DLG2: variants seen among roughly 807,000 people sequenced by gnomAD.
The protein encoded by DLG2 is discs large MAGUK scaffold protein 2, also known as disks large homolog 2.
DLG2 carries 45 observed loss-of-function variants against 132.5 expected under a neutral mutation model. The ratio of observed to expected loss-of-function variants is 0.34; its 90% CI spans 0.27 to 0.44. The LOEUF is 0.44. DLG2 is among the 20% of genes least tolerant of loss of function. The pLI is 1.00. For synonymous variants in DLG2, 424 were observed against 419.6 expected, an observed-to-expected ratio of 1.01 and a Z score of -0.13; for missense variants, 1,045 against 1,196.9, an observed-to-expected ratio of 0.87 and a Z score of 1.87.
intron 6 of DLG2, among the ~76,000 whole-genome samples, chr11:84,659,242 A>AT (rs72230391): frequency 0.069 from 10,490 of 151,810 alleles, 490 homozygotes; most frequent in South Asian, 0.19. Context: ...GGAGCTTTGT[A>AT]TTTTTTTTCA....
At chr11:85,010,293 T>TTCCAGTC (rs2154134959) in intron 6 of DLG2, among the ~76,000 whole-genome samples, 1 of 152,208 alleles carries the variant, frequency 6.6e-6, no homozygotes, top group East Asian at 1.9e-4. Context: ...AAAACATTCT[T>TTCCAGTC]TCCAGTCTGC....
At chr11:84,858,378 T>C (rs542071607) in intron 6 of DLG2, among the ~76,000 whole-genome samples, 30 of 152,202 alleles carry the variant, frequency 2.0e-4, no homozygotes, top group African/African-American at 7.0e-4. Flanking sequence ...TACCTGTTGC[T>C]TGAAAGAGTG....
chr11:84,959,008 C>T (rs868111151), intron 6 of DLG2, among the ~76,000 whole-genome samples: 13 of 152,114 alleles, frequency 8.5e-5, no homozygotes, highest in East Asian at 1.9e-4. Flanking sequence ...CTTTGGACAG[C>T]GCTACAGGTA....
In DLG2 at chr11:83,471,718, G is replaced by A. The variant is rs777007201; in HGVS notation, c.2354C>T (p.Thr785Ile). ...GGGCCCCAGGATAATCACCGGCCGG[G>A]TGTAGTTTACTGCAGAATGGGAAAG... is the stretch of plus-strand genomic sequence containing the variant. ...EPVTRQEINY[T>I]RPVIILGPMK... The change falls in exon 24 of 28, where the codon ACC (threonine) becomes ATC (isoleucine). Residue 785 changes from threonine (T) to isoleucine (I), a missense_variant. Coordinates refer to ENST00000376104, the MANE Select transcript of DLG2 (RefSeq NM_001142699.3). 39 of 1,612,628 alleles carry A rather than the reference G, an allele frequency of 2.4e-5. No homozygotes were observed. The highest frequency in any genetic ancestry group is 1.6e-4 in the Middle Eastern group (1 of 6,080).
At chr11:84,962,277 AC>A (rs1388818916) in intron 6 of DLG2, among the ~76,000 whole-genome samples, 1 of 152,214 alleles carries the variant, frequency 6.6e-6, no homozygotes, top group Non-Finnish European at 1.5e-5. Context: ...ATAGAGCCAG[AC>A]TTGAACCCAA....
intron 7 of DLG2, among the ~76,000 whole-genome samples, chr11:84,525,134 G>A (rs1435148300): frequency 1.3e-5 from 2 of 152,032 alleles, no homozygotes; most frequent in African/African-American, 2.4e-5. Flanking sequence ...AGTCCTCTGT[G>A]TTCTTCTCCC....
chr11:84,899,923 G>A (rs916770862), intron 6 of DLG2, among the ~76,000 whole-genome samples: 1 of 152,066 alleles, frequency 6.6e-6, no homozygotes, highest in Non-Finnish European at 1.5e-5. Context: ...TTGGTAAACT[G>A]CAGCTTCAGT....
At chr11:85,585,259 G>A (rs945406720) in intron 3 of DLG2, among the ~76,000 whole-genome samples, 1 of 152,162 alleles carries the variant, frequency 6.6e-6, no homozygotes, top group Non-Finnish European at 1.5e-5. Context: ...TGAATAGGGT[G>A]TCCTTTCCCC....
At chr11:84,790,096 A>G (rs900277657) in intron 6 of DLG2, among the ~76,000 whole-genome samples, 1 of 152,154 alleles carries the variant, frequency 6.6e-6, no homozygotes, top group Non-Finnish European at 1.5e-5. Context: ...TTTTCAGTAT[A>G]TAGCGAGCAG....
chr11:83,619,760 T>C (rs2153429574), intron 19 of DLG2, among the ~76,000 whole-genome samples: 1 of 152,148 alleles, frequency 6.6e-6, no homozygotes, highest in African/African-American at 2.4e-5. Flanking sequence ...CAGCCAGCAA[T>C]GGTGTTCATT....
At chr11:83,511,280 A>G (rs2095021750) in intron 21 of DLG2, among the ~76,000 whole-genome samples, 2 of 151,932 alleles carry the variant, frequency 1.3e-5, no homozygotes, top group African/African-American at 4.8e-5. Flanking sequence ...CCTGGGGAGG[A>G]ATTTTTGCAC....
At chr11:84,342,744 G>A (rs1251702139) in intron 7 of DLG2, among the ~76,000 whole-genome samples, 2 of 152,034 alleles carry the variant, frequency 1.3e-5, no homozygotes, top group East Asian at 3.8e-4. Context: ...TAGGCAACAG[G>A]CTCAGGGAAA....
At chr11:83,484,102 T>C in intron 22 of DLG2, 27 bp downstream of exon 22, 1 of 1,585,344 alleles carries the variant, frequency 6.3e-7, no homozygotes, top group Non-Finnish European at 8.7e-7. Flanking sequence ...ATGTTGCATG[T>C]GACATTATCT....
At chr11:83,835,714 G>A (rs979660817) in intron 16 of DLG2, among the ~76,000 whole-genome samples, 4 of 152,194 alleles carry the variant, frequency 2.6e-5, no homozygotes, top group Non-Finnish European at 4.4e-5. Flanking sequence ...TAGGTCAGGA[G>A]TCTGGGTGGA....
chr11:85,053,123 A>G (rs1566741545), intron 6 of DLG2, among the ~76,000 whole-genome samples: 1 of 152,184 alleles, frequency 6.6e-6, no homozygotes, highest in Non-Finnish European at 1.5e-5. Flanking sequence ...CTAATCGACT[A>G]TAAGGAAGGC....
chr11:83,739,972 A>G (rs541606445), intron 18 of DLG2, among the ~76,000 whole-genome samples: 1 of 152,324 alleles, frequency 6.6e-6, no homozygotes, highest in African/African-American at 2.4e-5. Context: ...TAGAGGAATG[A>G]GGAAGGTGAT....
At chr11:84,192,247 A>G (rs1185022160) in intron 8 of DLG2, among the ~76,000 whole-genome samples, 1 of 152,220 alleles carries the variant, frequency 6.6e-6, no homozygotes, top group Non-Finnish European at 1.5e-5. Context: ...TTCCTTCTAG[A>G]TAACTTTTGA....
intron 18 of DLG2, among the ~76,000 whole-genome samples, chr11:83,649,142 C>T (rs1235013697): frequency 6.6e-6 from 1 of 152,014 alleles, no homozygotes; most frequent in Non-Finnish European, 1.5e-5. Context: ...GAGTTTAAAG[C>T]ACTGGCCTCT....
intron 16 of DLG2, among the ~76,000 whole-genome samples, chr11:83,874,188 G>C (rs1202384923): frequency 2.9e-5 from 4 of 138,026 alleles, no homozygotes; most frequent in Non-Finnish European, 6.2e-5. Context: ...GAGAAAAAAG[G>C]ACAAAAGAAA....
Sources: gnomAD v4.1 joint callset for allele counts (sites outside exome capture counted in the v4.1 genomes callset) on GRCh38, gnomAD v4.1.1 for gene constraint, MANE v1.5 for transcripts, NCBI Gene and HGNC (gene_info 2026-07-23, HGNC 2026-07-21) for gene names.